YLPM1: variants seen among roughly 807,000 people sequenced by gnomAD.
YLPM1 encodes the protein YLP motif containing 1, also known as YLP motif-containing protein 1.
YLPM1 carries 99 observed loss-of-function variants against 230.0 expected under a neutral mutation model. That is an observed-to-expected ratio of 0.43 (90% CI 0.37 to 0.51). The LOEUF is 0.51. Among genes scored for constraint, YLPM1 ranks in the 20% least tolerant of loss-of-function variants. The pLI, the probability that YLPM1 is intolerant of heterozygous loss-of-function variation, is 0.00. For missense variants in YLPM1, 2,592 were observed against 2,707.7 expected (o/e 0.96, Z 0.95); for synonymous variants, 984 against 942.5 (o/e 1.04, Z -0.81).
intron 1 of YLPM1, among the ~76,000 whole-genome samples, chr14:74,776,786 G>A (rs2091044698): frequency 6.6e-6 from 1 of 152,088 alleles, no homozygotes; most frequent in African/African-American, 2.4e-5. Flanking sequence ...TTTTAGGTCG[G>A]GTGTGGTGGC....
chr14:74,772,637 G>A (rs2090990172), intron 1 of YLPM1, among the ~76,000 whole-genome samples: 2 of 152,132 alleles, frequency 1.3e-5, no homozygotes, highest in Non-Finnish European at 2.9e-5. Context: ...GATTACAGAT[G>A]TGAGCCACCG....
chr14:74,767,625 A>C (rs1304431648), intron 1 of YLPM1, among the ~76,000 whole-genome samples: 1 of 152,198 alleles, frequency 6.6e-6, no homozygotes. Flanking sequence ...CACATTGCCA[A>C]GTATCCCCTG....
chr14:74,797,919 G>A lies in YLPM1; in HGVS notation c.2622G>A (p.Gln874=). Residue 874 remains glutamine, a synonymous_variant, in exon 5 of 21, where the codon CAG becomes CAA. Transcript: ENST00000325680. ...TAGCAGACACCAGTAGTAACCAGCA[G>A]AAGAATTTTAAAATGCAATCAGCTG... ...EPLADTSSNQ[Q]KNFKMQSAAF... The A allele has an allele frequency of 1.2e-6, 2 of 1,613,154 alleles. No individual in the cohort carries two copies. Among genetic ancestry groups the A allele is most frequent in the Non-Finnish European group, 1.7e-6 (2 of 1,179,550 alleles).
Position 74,782,271 on chromosome 14 carries a change from G to A in YLPM1, c.2228G>A (p.Gly743Asp). 6.3e-7 allele frequency: 1 copy of A among 1,576,518 alleles called. No homozygotes were observed. Among genetic ancestry groups the A allele is most frequent in the Non-Finnish European group, 8.5e-7 (1 of 1,170,278 alleles). Residue 743 changes from glycine to aspartate, a missense_variant, in exon 4 of 21, where the codon GGC (glycine) becomes GAC (aspartate). By Grantham distance (94) the Gly-to-Asp change is moderately conservative. This residue lies in a region of YLPM1 where 1,862 missense variants were observed against 1,819.8 expected (regional missense o/e 1.02). Coordinates refer to ENST00000325680, the MANE Select transcript of YLPM1 (RefSeq NM_019589.3). The stretch of plus-strand genomic sequence containing the variant: ...AAGGACATGCCAGTGAGATCAGGTG[G>A]CCTGCTTCCAGATCCTCCTAGAAGT... ...AVKDMPVRSG[G>D]LLPDPPRSSY...
At chr14:74,818,457 C>T (rs909817810) in intron 16 of YLPM1, 143 bp downstream of exon 16, 39 of 568,906 alleles carry the variant, frequency 6.9e-5, no homozygotes, top group Middle Eastern at 7.5e-4. Context: ...ATTGAGATCA[C>T]GGTTAGTATT....
In YLPM1 at chr14:74,818,239, T is replaced by A; in HGVS notation, c.5955T>A (p.Asp1985Glu). The A allele has an allele frequency of 6.2e-7, 1 of 1,600,480 alleles. No homozygotes were observed. ...RKLKEINKMA[D>E]HWETAPRHMM... ...TCTGAATTTTTCAATAGATGGCTGA[T>A]CACTGGGAAACTGCACCTCGTCACA... Residue 1985 changes from aspartate to glutamate, a missense_variant, in exon 16 of 21, where the codon GAT becomes GAA. By Grantham distance (45) the Asp-to-Glu change is conservative. Coordinates refer to ENST00000325680, the MANE Select transcript of YLPM1 (RefSeq NM_019589.3).
In YLPM1 at chr14:74,798,668, C is replaced by A; in HGVS notation, c.3371C>A (p.Pro1124His). Residue 1124 changes from proline to histidine, a missense_variant, in exon 5 of 21, where the codon CCT becomes CAT. Around this residue, in one of 4 missense-constraint regions of YLPM1, gnomAD observed 1,862 missense variants for 1,819.8 expected, o/e 1.02. Coordinates refer to ENST00000325680, the MANE Select transcript of YLPM1 (RefSeq NM_019589.3). ...AGGGCTGGCAGTCAGGAGAGGGGAC[C>A]TCTTCGAAGGGCTGGGAGTAGAGAG... ...PRRAGSQERG[P>H]LRRAGSRERI... The A allele has an allele frequency of 6.2e-7, 1 of 1,611,420 alleles. No homozygotes were observed. The highest frequency in any genetic ancestry group is 8.5e-7 in the Non-Finnish European group (1 of 1,178,458).
rs781018053 is a variant in YLPM1 at position 74,763,750 on chromosome 14, G to A, written c.261G>A (p.Pro87=). 4 of 1,470,788 alleles carry A rather than the reference G, an allele frequency of 2.7e-6. No individual in the cohort carries two copies. The highest frequency in any genetic ancestry group is 2.9e-5 in the South Asian group (2 of 68,434). The allele number at this position is 1,470,788 out of a possible 1,614,324, so 91.1% of individuals were successfully genotyped here. A position where few individuals can be genotyped will look rare whatever the true frequency, so the allele number is the denominator to read the frequency against. The change falls in exon 1 of 21, where the codon CCG becomes CCA. Residue 87 remains proline, a synonymous_variant. Coordinates refer to ENST00000325680, the MANE Select transcript of YLPM1 (RefSeq NM_019589.3). ...ACCACCTTCCTCCGCCCCCTCTGCC[G>A]CCCCCGCCAGTGATGCCGGGGGGCG... ...QPHHLPPPPL[P]PPPVMPGGGY...
rs1309937693 is a variant in YLPM1 at position 74,782,137 on chromosome 14, G to A, written c.2094G>A (p.Val698=). The A allele has an allele frequency of 6.2e-7, 1 of 1,613,396 alleles. No individual in the cohort carries two copies. Among genetic ancestry groups the A allele is most frequent in the Non-Finnish European group, 8.5e-7 (1 of 1,179,800 alleles). ...AATCAGCTGGTCCATCAGAACAAGT[G>A]AATTCAAAAGCTCCTTTGAGCAAGT... ...PLQSAGPSEQ[V]NSKAPLSKSA... Residue 698 remains valine (V), a synonymous_variant, in exon 4 of 21, where the codon GTG becomes GTA. Coordinates refer to ENST00000325680, the MANE Select transcript of YLPM1 (RefSeq NM_019589.3).
chr14:74,817,999 TGAGCCATGTTGGC>T (rs2091492694), intron 15 of YLPM1, among the ~76,000 whole-genome samples: 1 of 151,690 alleles, frequency 6.6e-6, no homozygotes, highest in African/African-American at 2.4e-5. Context: ...AAGGCTGCAG[TGAGCCATGTTGGC>T]GCCACTACAC....
rs777700703 is a variant in YLPM1 at position 74,778,482 on chromosome 14, T to G, written c.909T>G (p.Leu303=). 1.2e-6 allele frequency: 2 copies of G among 1,607,836 alleles called. No individual in the cohort carries two copies. Among genetic ancestry groups the G allele is most frequent in the Non-Finnish European group, 1.7e-6 (2 of 1,177,090 alleles). ...QQQYWYRQHL[L]SLQQRTKVHL... is the part of the protein sequence containing the mutation. ...AGTATTGGTATCGACAGCACTTGCT[T>G]AGTTTGCAACAGAGGACAAAAGTTC... Residue 303 remains leucine, a synonymous_variant, in exon 2 of 21, where the codon CTT becomes CTG. Transcript: ENST00000325680.
rs1349038973 is a variant in YLPM1 at position 74,817,178 on chromosome 14, A to C, written c.5863-16A>C. ...TGTTATATATCTTTGCCTAATTATT[A>C]TTCATTCTTGCTTAGGTATATTTGG... On this transcript the variant is annotated splice_polypyrimidine_tract_variant and intron_variant, in intron 14 of 20. Transcript: ENST00000325680. 4 of 1,597,180 alleles carry C rather than the reference A, an allele frequency of 2.5e-6. No individual in the cohort carries two copies. Among genetic ancestry groups the C allele is most frequent in the Non-Finnish European group, 3.4e-6 (4 of 1,171,678 alleles).
At chr14:74,767,751 A>T (rs2090927794) in intron 1 of YLPM1, among the ~76,000 whole-genome samples, 1 of 151,816 alleles carries the variant, frequency 6.6e-6, no homozygotes, top group Non-Finnish European at 1.5e-5. Flanking sequence ...TTCCTGTAGA[A>T]TGTCTGACAT....
At chr14:74,788,197 T>C in intron 4 of YLPM1, among the ~76,000 whole-genome samples, 1 of 151,822 alleles carries the variant, frequency 6.6e-6, no homozygotes, top group East Asian at 1.9e-4. Flanking sequence ...CTCAGCTCAC[T>C]ACAAGCTCCA....
intron 1 of YLPM1, among the ~76,000 whole-genome samples, chr14:74,768,911 A>G (rs1327181368): frequency 1.3e-5 from 2 of 151,904 alleles, no homozygotes; most frequent in South Asian, 4.1e-4. Flanking sequence ...TTTTTTTTTA[A>G]GTTACCACTG....
chr14:74,780,575 A>G lies in YLPM1; in HGVS notation c.1281A>G (p.Pro427=). ...ATCAGCAGATTATACAGCCCCCACCACATATACAGGCAAGTGCTTCCATAG... is the reference window on the plus strand; with the variant it reads ...ATCAGCAGATTATACAGCCCCCACCGCATATACAGGCAAGTGCTTCCATAG... ...QQYQQIIQPP[P]HIQTMSVDMQ... The change falls in exon 3 of 21, where the codon CCA becomes CCG. Residue 427 remains proline, a synonymous_variant. Coordinates refer to ENST00000325680, the MANE Select transcript of YLPM1 (RefSeq NM_019589.3). The G allele has an allele frequency of 6.2e-7, 1 of 1,608,914 alleles. No individual in the cohort carries two copies. The highest frequency in any genetic ancestry group is 8.5e-7 in the Non-Finnish European group (1 of 1,176,450).
chr14:74,801,372 C>T (rs2091323184), intron 5 of YLPM1, among the ~76,000 whole-genome samples: 1 of 152,022 alleles, frequency 6.6e-6, no homozygotes, highest in Non-Finnish European at 1.5e-5. Flanking sequence ...TTTGTGGACC[C>T]TCATTTGGGT....
chr14:74,817,772 T>C (rs2091490968), intron 15 of YLPM1, among the ~76,000 whole-genome samples: 1 of 152,010 alleles, frequency 6.6e-6, no homozygotes, highest in Non-Finnish European at 1.5e-5. Flanking sequence ...TAGCCTGTTA[T>C]GGCCTGGCAT....
At chr14:74,772,204 A>C (rs2140074115) in intron 1 of YLPM1, among the ~76,000 whole-genome samples, 1 of 151,396 alleles carries the variant, frequency 6.6e-6, no homozygotes, top group Admixed American at 6.6e-5. Flanking sequence ...AGTAAATTAA[A>C]ATCAACATCT....
Sources: gnomAD v4.1 joint callset for allele counts (sites outside exome capture counted in the v4.1 genomes callset) on GRCh38, gnomAD v4.1.1 for gene constraint, gnomAD v4.1.1 regional missense constraint, MANE v1.5 for transcripts, NCBI Gene and HGNC (gene_info 2026-07-23, HGNC 2026-07-21) for gene names.